The following IFT43 variants were observed in gnomAD, a reference collection of about 807,000 sequenced individuals.
IFT43 encodes the protein intraflagellar transport protein 43 homolog.
In IFT43, 33 loss-of-function variants were observed where a neutral mutation model predicts 32.3. That is an observed-to-expected ratio of 1.02 (90% CI 0.77 to 1.37). The LOEUF (loss-of-function observed/expected upper bound fraction) is 1.37, where lower values mean the gene tolerates loss of function less well. Among genes scored for constraint, IFT43 ranks in the 40% most tolerant of loss-of-function variants. The pLI is 0.00. For synonymous variants in IFT43, 93 were observed against 98.2 expected (o/e 0.95, Z 0.31); for missense variants, 274 against 265.9 (o/e 1.03, Z -0.21).
At chr14:75,999,318 C>T (rs373426120) in intron 2 of IFT43, among the ~76,000 whole-genome samples, 2 of 124,344 alleles carry the variant, frequency 1.6e-5, no homozygotes, top group African/African-American at 6.6e-5. Flanking sequence ...TGTAGAGACA[C>T]AATCTCACTG....
intron 2 of IFT43, among the ~76,000 whole-genome samples, chr14:76,000,416 C>A (rs1047129390): frequency 4.6e-5 from 7 of 151,550 alleles, no homozygotes; most frequent in Non-Finnish European, 7.4e-5. Context: ...AGGCGCCTGC[C>A]ACCACGCCAG....
chr14:76,026,919 A>G (rs761955631), intron 3 of IFT43, among the ~76,000 whole-genome samples: 3 of 152,228 alleles, frequency 2.0e-5, no homozygotes, highest in Non-Finnish European at 4.4e-5. Context: ...GAACAAGATC[A>G]TGTCCTTTGC....
intron 5 of IFT43, among the ~76,000 whole-genome samples, chr14:76,062,657 C>A (rs1264143875): frequency 2.6e-5 from 4 of 151,932 alleles, no homozygotes; most frequent in Non-Finnish European, 4.4e-5. Flanking sequence ...TGGCTCATGC[C>A]TGTAATCCCA....
rs528993993 is a variant in IFT43 at position 76,036,952 on chromosome 14, C to T, written c.215+14558C>T. On this transcript the variant is annotated intron_variant, in intron 3 of 8. Transcript: ENST00000314067. ...AAGTGATACTCCTGCCCCAGCCTCC[C>T]GATTAGCTAGGACAGGTGCACGCCA... is the stretch of plus-strand genomic sequence containing the variant. Among the ~76,000 whole-genome samples, 28 of 151,290 alleles carry T rather than the reference C, an allele frequency of 1.9e-4. 1 individual carries two copies. The South Asian group carries it at 3.6e-3, about 19-fold the overall frequency.
At chr14:76,041,317 G>A (rs745401095) in intron 3 of IFT43, among the ~76,000 whole-genome samples, 1 of 152,218 alleles carries the variant, frequency 6.6e-6, no homozygotes, top group Non-Finnish European at 1.5e-5. Context: ...GGAAAGAAAT[G>A]AGTGGCCCAT....
chr14:76,062,630 AAGTC>A (rs1197525159), intron 5 of IFT43, among the ~76,000 whole-genome samples: 1 of 152,118 alleles, frequency 6.6e-6, no homozygotes, highest in Non-Finnish European at 1.5e-5. Context: ...AAAATGCGTT[AAGTC>A]AGTCAGGCGC....
chr14:76,049,196 G>A (rs929251523), intron 3 of IFT43, among the ~76,000 whole-genome samples: 15 of 152,204 alleles, frequency 9.9e-5, no homozygotes, highest in African/African-American at 3.1e-4. Flanking sequence ...ACCACATCCA[G>A]TCTCGTTTAT....
chr14:76,017,178 G>T (rs991916159), intron 2 of IFT43, among the ~76,000 whole-genome samples: 1 of 152,122 alleles, frequency 6.6e-6, no homozygotes, highest in Non-Finnish European at 1.5e-5. Context: ...TTAGCTGTGG[G>T]TTTGTCGTAT....
intron 2 of IFT43, among the ~76,000 whole-genome samples, chr14:76,017,193 C>T (rs137878238): frequency 2.0e-5 from 3 of 152,138 alleles, no homozygotes; most frequent in African/African-American, 7.2e-5. Flanking sequence ...TCGTATGTGG[C>T]CTTTATTAAG....
At chr14:76,027,510 C>A (rs1246270686) in intron 3 of IFT43, among the ~76,000 whole-genome samples, 1 of 152,070 alleles carries the variant, frequency 6.6e-6, no homozygotes, top group Non-Finnish European at 1.5e-5. Context: ...GAGATCGAGA[C>A]CATCCTGGCT....
intron 3 of IFT43, among the ~76,000 whole-genome samples, chr14:76,022,909 A>G (rs1177675502): frequency 2.6e-5 from 4 of 152,208 alleles, no homozygotes. Context: ...CCTGACATAT[A>G]TCAGTCATCA....
intron 8 of IFT43, 27 bp from the exon 9 acceptor site, chr14:76,083,431 C>G (rs774817553): frequency 6.2e-7 from 1 of 1,614,098 alleles, no homozygotes; most frequent in Admixed American, 1.7e-5. Flanking sequence ...CTTTCTTTGT[C>G]TTACCCAGCG....
At chr14:76,014,013 T>C in intron 2 of IFT43, 1 of 238,748 alleles carries the variant, frequency 4.2e-6, no homozygotes, top group Admixed American at 5.0e-5. Flanking sequence ...TCATAGCACT[T>C]GTGAACAACC....
chr14:76,081,010 G>C (rs144229741), intron 5 of IFT43, among the ~76,000 whole-genome samples: 76 of 152,132 alleles, frequency 5.0e-4, no homozygotes, highest in African/African-American at 1.8e-3. Flanking sequence ...TTCTCTGCCT[G>C]TCTCTTTCTG....
intron 3 of IFT43, among the ~76,000 whole-genome samples, chr14:76,049,602 A>G (rs1322988452): frequency 6.6e-6 from 1 of 152,198 alleles, no homozygotes; most frequent in Non-Finnish European, 1.5e-5. Context: ...GTACATAGCT[A>G]TAGCAAAATT....
Position 76,039,437 on chromosome 14 carries a change from G to A in IFT43, c.215+17043G>A, listed in dbSNP as rs185261067. Among the ~76,000 whole-genome samples, 6 of 152,334 alleles carry A rather than the reference G, an allele frequency of 3.9e-5. No homozygotes were observed. In the East Asian group the frequency reaches 1.2e-3, roughly 29 times the overall value. The stretch of plus-strand genomic sequence containing the variant: ...GTCTCCCAAAAGTGCTGGGATTACA[G>A]GTGTGAATCATTGTGCCTGGCCTGC... On this transcript the variant is annotated intron_variant, in intron 3 of 8. Coordinates refer to ENST00000314067, the MANE Select transcript of IFT43 (RefSeq NM_001102564.3).
At chr14:76,046,006 C>A (rs1176006337) in intron 3 of IFT43, among the ~76,000 whole-genome samples, 1 of 152,062 alleles carries the variant, frequency 6.6e-6, no homozygotes, top group African/African-American at 2.4e-5. Context: ...CTATAAAGAC[C>A]GTGTCATGTG....
intron 1 of IFT43, chr14:75,986,221 T>G: frequency 3.8e-6 from 5 of 1,299,710 alleles, no homozygotes; most frequent in Non-Finnish European, 5.0e-6. Flanking sequence ...GAGTTTTTCC[T>G]TTGGGACACC....
chr14:76,017,717 T>G (rs1294694322), intron 2 of IFT43, among the ~76,000 whole-genome samples: 1 of 152,198 alleles, frequency 6.6e-6, no homozygotes, highest in East Asian at 1.9e-4. Flanking sequence ...TATTACTGAT[T>G]CAATCTCATT....
Sources: gnomAD v4.1 joint callset for allele counts (sites outside exome capture counted in the v4.1 genomes callset) on GRCh38, gnomAD v4.1.1 for gene constraint, MANE v1.5 for transcripts, NCBI Gene and HGNC (gene_info 2026-07-23, HGNC 2026-07-21) for gene names.